Variants in TMEM63A observed in about 807,000 individuals in gnomAD.
TMEM63A encodes the protein mechanosensitive cation channel TMEM63A.
In TMEM63A, 76 loss-of-function variants were observed where a neutral mutation model predicts 100.6. The observed-to-expected ratio is 0.76, with a 90% CI of 0.63 to 0.91. The LOEUF is 0.91. Among genes scored for constraint, TMEM63A ranks in the 40% least tolerant of loss-of-function variants. The pLI is 0.00. For synonymous variants in TMEM63A, 401 were observed against 401.1 expected, an observed-to-expected ratio of 1.00 and a Z score of 0.00; for missense variants, 876 against 1,008.8, an observed-to-expected ratio of 0.87 and a Z score of 1.78.
chr1:225,847,115 G>C lies in TMEM63A; in HGVS notation c.2349C>G (p.Ile783Met). 1 of 1,613,896 alleles carries C rather than the reference G, an allele frequency of 6.2e-7. No individual in the cohort carries two copies. The highest frequency in any genetic ancestry group is 8.5e-7 in the Non-Finnish European group (1 of 1,180,036). ...AGCACTGTCCAGGGATAGTCCCGCT[G>C]ATGTTGTGGATGGCACCATAGGTCT... ...QQQTYGAIHN[I>M]SGTIPGQCLA... Residue 783 changes from isoleucine (I) to methionine (M), a missense_variant, in exon 24 of 25, where the codon ATC becomes ATG. By Grantham distance (10) the Ile-to-Met change is conservative. Around this residue, in one of 5 missense-constraint regions of TMEM63A, gnomAD observed 339 missense variants for 342.3 expected, o/e 0.99. Transcript: ENST00000366835.
chr1:225,857,379 C>CGGGGGGGGGG (rs369068747), intron 15 of TMEM63A, among the ~76,000 whole-genome samples: 9 of 112,756 alleles, frequency 8.0e-5, no homozygotes, highest in African/African-American at 3.1e-4. Flanking sequence ...TCCTGGCCGG[C>CGGGGGGGGGG]GGGGCGGGGG....
In TMEM63A at chr1:225,866,598, G is replaced by A; in HGVS notation, c.651C>T (p.Ser217=). The A allele has an allele frequency of 1.2e-6, 2 of 1,613,964 alleles. No homozygotes were observed. Among genetic ancestry groups the A allele is most frequent in the Non-Finnish European group, 8.5e-7 (1 of 1,179,906 alleles). ...TVGFMRHHTQ[S]IKYKEENLVR... ...CCAGGTTCTCCTCTTTGTACTTAAT[G>A]GACTGAGTGTGGTGCCGCATGAAAC... Residue 217 remains serine, a synonymous_variant, in exon 9 of 25, where the codon TCC becomes TCT. Transcript: ENST00000366835.
intron 1 of TMEM63A, among the ~76,000 whole-genome samples, chr1:225,880,571 C>T (rs985029129): frequency 3.3e-5 from 5 of 152,110 alleles, no homozygotes; most frequent in Non-Finnish European, 5.9e-5. Flanking sequence ...TATGTGAATG[C>T]CTAGCACTTA....
At position 225,867,577 on chromosome 1, in the gene TMEM63A, A is replaced by T. The variant is rs1470243720; in HGVS notation, c.514+311T>A. Among the ~76,000 whole-genome samples, 1 of 152,110 alleles carries T rather than the reference A, an allele frequency of 6.6e-6. No individual in the cohort carries two copies. The highest frequency in any genetic ancestry group is 1.5e-5 in the Non-Finnish European group (1 of 68,010). ...ATCATGGATATCTTCTGGGTCCATT[A>T]ATTGTGACCTCCTAATTTGGGTGAG... On this transcript the variant is annotated intron_variant, in intron 7 of 24. Transcript: ENST00000366835. The surrounding 1 kb of genome is among the most constrained non-coding windows in gnomAD (Gnocchi z 4.6).
Position 225,871,121 on chromosome 1 carries a change from C to CA in TMEM63A, c.334-9_334-8insT. On this transcript the variant is annotated splice_polypyrimidine_tract_variant and intron_variant, in intron 5 of 24. Coordinates refer to ENST00000366835, the MANE Select transcript of TMEM63A (RefSeq NM_014698.3). Reference sequence around the variant, plus strand: ...CAGCCAGGGACAGCATCCCTGGAAACGGAGAGAACAGGGATTAGCTTCCAA... The same window carrying CA: ...CAGCCAGGGACAGCATCCCTGGAAACAGGAGAGAACAGGGATTAGCTTCCAA... 1 of 1,613,684 alleles carries CA rather than the reference C, an allele frequency of 6.2e-7. No individual in the cohort carries two copies. The highest frequency in any genetic ancestry group is 8.5e-7 in the Non-Finnish European group (1 of 1,179,696).
At chr1:225,849,262 C>T in intron 21 of TMEM63A, among the ~76,000 whole-genome samples, 1 of 151,084 alleles carries the variant, frequency 6.6e-6, no homozygotes, top group South Asian at 2.1e-4. Context: ...AGATTTCAGG[C>T]ACTGGGGTGC....
intron 23 of TMEM63A, 140 bp from the exon 24 acceptor site, chr1:225,847,353 C>T (rs1453781289): frequency 3.4e-5 from 36 of 1,072,448 alleles, no homozygotes; most frequent in Non-Finnish European, 4.7e-5. Flanking sequence ...CCATTTAGGA[C>T]ATTAAGACCG....
At position 225,847,250 on chromosome 1, in the gene TMEM63A, CATG is replaced by C. The variant is rs371049672; in HGVS notation, c.2251-40_2251-38del. 128 of 1,598,626 alleles carry C rather than the reference CATG, an allele frequency of 8.0e-5. 2 individuals are homozygous for C. The African/African-American group carries it at 1.5e-3, about 19-fold the overall frequency. On this transcript the variant is annotated intron_variant, in intron 23 of 24. Coordinates refer to ENST00000366835, the MANE Select transcript of TMEM63A (RefSeq NM_014698.3). ...TGGATTTGTGCTTGGCCTGGACAGG[CATG>C]AGCTTCCACACTGCATCCCTCCCCT...
At chr1:225,880,679 A>G (rs868794712) in intron 1 of TMEM63A, among the ~76,000 whole-genome samples, 8 of 152,202 alleles carry the variant, frequency 5.3e-5, no homozygotes, top group Admixed American at 3.3e-4. Flanking sequence ...CAAGAGCCAG[A>G]GTGGGCAGCA....
At chr1:225,856,038 C>T (rs540898042) in intron 17 of TMEM63A, 98 bp from the exon 18 acceptor site, 3 of 1,282,640 alleles carry the variant, frequency 2.3e-6, no homozygotes, top group South Asian at 2.7e-5. Flanking sequence ...CAGGCCAAAG[C>T]TCGAGATTGA....
At chr1:225,873,348 A>G (rs1447449223) in intron 4 of TMEM63A, among the ~76,000 whole-genome samples, 1 of 152,142 alleles carries the variant, frequency 6.6e-6, no homozygotes, top group Non-Finnish European at 1.5e-5. Context: ...CAAATCCCAG[A>G]GCAGGGATCA....
Position 225,845,783 on chromosome 1 carries a change from G to A in TMEM63A, c.*1156C>T, listed in dbSNP as rs1668932175. ...AGGCAGCACTGGCCACCACTGCGGGGGCAAGTCAGCGTCAAGAGAGTCCCT... is the reference window on the plus strand; with the variant it reads ...AGGCAGCACTGGCCACCACTGCGGGAGCAAGTCAGCGTCAAGAGAGTCCCT... On this transcript the variant is annotated 3_prime_UTR_variant, in exon 25 of 25. Transcript: ENST00000366835. 1 of 274,582 alleles carries A rather than the reference G, an allele frequency of 3.6e-6. No individual in the cohort carries two copies. Among genetic ancestry groups the A allele is most frequent in the Non-Finnish European group, 7.0e-6 (1 of 142,196 alleles). 17.0% of individuals were successfully genotyped at this position (274,582 alleles called of 1,614,324 possible). A position where few individuals can be genotyped will look rare whatever the true frequency, so the allele number is the denominator to read the frequency against.
intron 15 of TMEM63A, among the ~76,000 whole-genome samples, chr1:225,858,483 C>A (rs1319219962): frequency 6.6e-6 from 1 of 151,982 alleles, no homozygotes; most frequent in East Asian, 1.9e-4. Flanking sequence ...CACCAACACG[C>A]CCAGCTAATT....
chr1:225,859,403 C>T, intron 14 of TMEM63A, 54 bp from the exon 15 acceptor site: 1 of 1,603,662 alleles, frequency 6.2e-7, no homozygotes, highest in Non-Finnish European at 8.5e-7. Flanking sequence ...GTGCTCGTGG[C>T]TTAGGTGGGT....
chr1:225,866,662 T>G lies in TMEM63A; in HGVS notation c.587A>C (p.His196Pro). 3.1e-6 allele frequency: 5 copies of G among 1,614,128 alleles called. No individual in the cohort carries two copies. The highest frequency in any genetic ancestry group is 4.2e-6 in the Non-Finnish European group (5 of 1,179,990). ...GAGGTAAATGACAGCAAAGATGGTG[T>G]GCAGCCAAAGGAGGTCATTGCTGAG... ...LQTDNDLLWL[H>P]TIFAVIYLFL... Residue 196 changes from histidine to proline, a missense_variant, in exon 9 of 25, where the codon CAC becomes CCC. Coordinates refer to ENST00000366835, the MANE Select transcript of TMEM63A (RefSeq NM_014698.3).
rs376648031 is a variant in TMEM63A, at chr1:225,848,998, C to T, written c.2086G>A (p.Ala696Thr). 4.4e-5 allele frequency: 58 copies of T among 1,313,642 alleles called. No individual in the cohort carries two copies. The highest frequency in any genetic ancestry group is 6.5e-5 in the Admixed American group (3 of 45,978). The allele number at this position is 1,313,642 out of a possible 1,614,324, so 81.4% of individuals were successfully genotyped here. The change falls in exon 22 of 25, where the codon GCC becomes ACC. Residue 696 changes from alanine to threonine, a missense_variant. This residue lies in a region of TMEM63A where 339 missense variants were observed against 342.3 expected (regional missense o/e 0.99). Coordinates refer to ENST00000366835, the MANE Select transcript of TMEM63A (RefSeq NM_014698.3). ...AGCACCAGGAAGGTGAACAGAGTGG[C>T]GGGGGCCTTCATACCTGGTGATAGA... ...SFLRLGMKAPATLFTFLVLLL... is the reference protein window; with the variant it reads ...SFLRLGMKAPTTLFTFLVLLL...
At chr1:225,859,485 G>C (rs1669824261) in intron 14 of TMEM63A, 136 bp from the exon 15 acceptor site, 42 of 1,054,106 alleles carry the variant, frequency 4.0e-5, no homozygotes, top group Non-Finnish European at 5.4e-5. Context: ...TTCAACTACA[G>C]AAAGACCAAA....
downstream of TMEM63A, chr1:225,844,514 G>T (rs779600683): frequency 6.2e-7 from 1 of 1,614,122 alleles, no homozygotes; most frequent in Middle Eastern, 1.6e-4. Flanking sequence ...CTCCCTGGAC[G>T]ACCTGCTGAC....
At chr1:225,881,114 T>A (rs1671065512) in intron 1 of TMEM63A, among the ~76,000 whole-genome samples, 1 of 108,238 alleles carries the variant, frequency 9.2e-6, no homozygotes, top group African/African-American at 3.6e-5. Context: ...CAGGACCCAG[T>A]AACCTGGACA....
Sources: allele counts gnomAD v4.1 joint callset (sites outside exome capture counted in the v4.1 genomes callset), GRCh38; gene constraint gnomAD v4.1.1; regional missense constraint gnomAD v4.1.1; non-coding constraint Gnocchi (gnomAD v3.1); transcripts MANE v1.5; gene names NCBI Gene and HGNC (gene_info 2026-07-23, HGNC 2026-07-21).